PWWP2B: variants seen among roughly 807,000 people sequenced by gnomAD.
The protein encoded by PWWP2B is PWWP domain containing 2B.
PWWP2B carries 9 observed loss-of-function variants against 15.5 expected under a neutral mutation model. The observed-to-expected ratio is 0.58, with a 90% CI of 0.35 to 1.02. PWWP2B has a LOEUF of 1.02. Among genes scored for constraint, PWWP2B ranks in the 50% least tolerant of loss-of-function variants. PWWP2B has a pLI of 0.02. For synonymous variants in PWWP2B, 474 were observed against 403.6 expected (o/e 1.17, Z -2.09); for missense variants, 864 against 865.3 (o/e 1.00, Z 0.02).
intron 1 of PWWP2B, among the ~76,000 whole-genome samples, chr10:132,400,300 C>T (rs184891113): frequency 5.9e-5 from 9 of 152,130 alleles, no homozygotes; most frequent in Non-Finnish European, 1.2e-4. Flanking sequence ...GAGGGGATGG[C>T]ATCTGAGTGA....
chr10:132,415,353 C>CAT (rs2069833077), intron 2 of PWWP2B, among the ~76,000 whole-genome samples: 1 of 150,882 alleles, frequency 6.6e-6, no homozygotes, highest in Non-Finnish European at 1.5e-5. Context: ...CACTCACACA[C>CAT]ATCCACTCAC....
intron 1 of PWWP2B, among the ~76,000 whole-genome samples, chr10:132,400,280 G>A (rs1025863450): frequency 2.0e-5 from 3 of 152,142 alleles, no homozygotes; most frequent in East Asian, 1.9e-4. Flanking sequence ...GCTGGTCTTC[G>A]GAGCGTCTCG....
rs537180348 is a variant in PWWP2B at position 132,412,638 on chromosome 10, T to C, written c.*17-4423T>C. On this transcript the variant is annotated intron_variant, in intron 2 of 2. Coordinates refer to ENST00000305233, the MANE Select transcript of PWWP2B (RefSeq NM_138499.4). ...TGGTGATCACTTTAAGATTTGCTCTTTCAGGAGGGATTACGAGGTGCTGGC... is the reference window on the plus strand; with the variant it reads ...TGGTGATCACTTTAAGATTTGCTCTCTCAGGAGGGATTACGAGGTGCTGGC... 3.3e-5 allele frequency among the ~76,000 whole-genome samples: 5 copies of C among 152,348 alleles called. No individual in the cohort carries two copies. In the East Asian group the frequency reaches 9.6e-4, roughly 29 times the overall value.
At position 132,404,615 on chromosome 10, in the gene PWWP2B, T is replaced by A; in HGVS notation, c.126-11T>A. 6.2e-7 allele frequency: 1 copy of A among 1,610,504 alleles called. No individual in the cohort carries two copies. The highest frequency in any genetic ancestry group is 8.5e-7 in the Non-Finnish European group (1 of 1,177,990). On this transcript the variant is annotated splice_polypyrimidine_tract_variant and intron_variant, in intron 1 of 2. Transcript: ENST00000305233. ...CCCTTCTCACTGTGGTTTCTCTCTCTCCATTGCCAGGTCCGGCCTCTTTGG... is the reference window on the plus strand; with the variant it reads ...CCCTTCTCACTGTGGTTTCTCTCTCACCATTGCCAGGTCCGGCCTCTTTGG...
rs747142827 is a variant in PWWP2B, at chr10:132,404,884, C to T, written c.384C>T (p.His128=). The part of the protein sequence containing the change: ...PPYFEGAPFP[H]PLWLRDTYKL... ...ACTTCGAAGGCGCCCCCTTCCCTCA[C>T]CCGCTGTGGCTCCGGGACACGTACA... The change falls in exon 2 of 3, where the codon CAC becomes CAT. Residue 128 remains histidine, a synonymous_variant. Coordinates refer to ENST00000305233, the MANE Select transcript of PWWP2B (RefSeq NM_138499.4). 4 of 1,594,660 alleles carry T rather than the reference C, an allele frequency of 2.5e-6. No homozygotes were observed. In the Admixed American group the frequency reaches 6.7e-5, roughly 27 times the overall value.
At chr10:132,411,785 C>T (rs1260121823) in intron 2 of PWWP2B, among the ~76,000 whole-genome samples, 1 of 152,266 alleles carries the variant, frequency 6.6e-6, no homozygotes, top group East Asian at 1.9e-4. Flanking sequence ...CCGCCGTCTC[C>T]AGGCTTCGGC....
At chr10:132,399,299 G>A (rs933864134) in intron 1 of PWWP2B, among the ~76,000 whole-genome samples, 6 of 152,232 alleles carry the variant, frequency 3.9e-5, no homozygotes, top group Non-Finnish European at 8.8e-5. Context: ...ACAGGTGTCC[G>A]CCCACCTCAG....
chr10:132,415,279 C>T (rs1279646794), intron 2 of PWWP2B, among the ~76,000 whole-genome samples: 2 of 150,816 alleles, frequency 1.3e-5, no homozygotes, highest in East Asian at 3.9e-4. Flanking sequence ...CATTCACATC[C>T]ACTCTCACAC....
chr10:132,397,470 C>G, intron 1 of PWWP2B, 119 bp downstream of exon 1: 2 of 943,306 alleles, frequency 2.1e-6, no homozygotes, highest in Non-Finnish European at 1.3e-6. Flanking sequence ...CGCCCGCTTT[C>G]GGTTTCTGCC....
chr10:132,400,957 G>A (rs1373180745), intron 1 of PWWP2B, among the ~76,000 whole-genome samples: 1 of 152,232 alleles, frequency 6.6e-6, no homozygotes, highest in African/African-American at 2.4e-5. Context: ...GGGAAGCCGT[G>A]GGGAGGCGCT....
intron 1 of PWWP2B, among the ~76,000 whole-genome samples, chr10:132,399,773 T>C (rs2069591330): frequency 6.6e-6 from 1 of 152,204 alleles, no homozygotes; most frequent in Non-Finnish European, 1.5e-5. Context: ...TTGTGGGTGA[T>C]TTGGGGACAT....
chr10:132,408,101 G>A (rs1319172274), intron 2 of PWWP2B, among the ~76,000 whole-genome samples: 1 of 152,154 alleles, frequency 6.6e-6, no homozygotes, highest in Non-Finnish European at 1.5e-5. Flanking sequence ...CTGCCTCCAC[G>A]GGGGGCAGTG....
At chr10:132,416,376 G>A (rs1054768247) in intron 2 of PWWP2B, among the ~76,000 whole-genome samples, 1 of 152,156 alleles carries the variant, frequency 6.6e-6, no homozygotes, top group Non-Finnish European at 1.5e-5. Context: ...TCTGTTTGTT[G>A]GATTTAGGGG....
At chr10:132,411,610 A>G (rs2069782014) in intron 2 of PWWP2B, among the ~76,000 whole-genome samples, 1 of 152,242 alleles carries the variant, frequency 6.6e-6, no homozygotes, top group Non-Finnish European at 1.5e-5. Context: ...TGGGGGCAGC[A>G]TGGGCCGCTT....
rs758469873 is a variant in PWWP2B, at chr10:132,404,864, G to A, written c.364G>A (p.Glu122Lys). 1.3e-5 allele frequency: 21 copies of A among 1,585,022 alleles called. No individual in the cohort carries two copies. The highest frequency in any genetic ancestry group is 1.8e-4 in the Middle Eastern group (1 of 5,412). ...CCTGCCCCCGTACCCTCCCTACTTCGAAGGCGCCCCCTTCCCTCACCCGCT... is the reference window on the plus strand; with the variant it reads ...CCTGCCCCCGTACCCTCCCTACTTCAAAGGCGCCCCCTTCCCTCACCCGCT... ...GSLPPYPPYF[E>K]GAPFPHPLWL... is the part of the protein sequence containing the mutation. Residue 122 changes from glutamate (E) to lysine (K), a missense_variant, in exon 2 of 3, where the codon GAA becomes AAA. Glu to Lys is a moderately conservative substitution (Grantham distance 56). Transcript: ENST00000305233.
At chr10:132,397,476 C>A in intron 1 of PWWP2B, 125 bp downstream of exon 1, 1 of 1,014,524 alleles carries the variant, frequency 9.9e-7, no homozygotes. Context: ...CTTTCGGTTT[C>A]TGCCGAGCCT....
At chr10:132,404,084 T>G (rs61865564) in intron 1 of PWWP2B, among the ~76,000 whole-genome samples, 12,461 of 94,800 alleles carry the variant, frequency 0.13, 937 homozygotes, top group African/African-American at 0.31. Flanking sequence ...ACGGCATTCT[T>G]CTGGGCTCCT....
In PWWP2B at chr10:132,397,204, G is replaced by A. The variant is rs771057224; in HGVS notation, c.-23G>A. On this transcript the variant is annotated 5_prime_UTR_variant, in exon 1 of 3. Transcript: ENST00000305233. ...CGGCGGCGGCGGCGGCGGGGCGGGG[G>A]CGGCCTGGGACGCGGCGGGAGCATG... 0.018 allele frequency: 19,132 copies of A among 1,034,270 alleles called. 222 individuals are homozygous for A. The highest frequency in any genetic ancestry group is 0.03 in the South Asian group (669 of 22,656). The allele number at this position is 1,034,270 out of a possible 1,614,324, so 64.1% of individuals were successfully genotyped here.
At chr10:132,398,684 A>G (rs1936103030) in intron 1 of PWWP2B, among the ~76,000 whole-genome samples, 1 of 152,110 alleles carries the variant, frequency 6.6e-6, no homozygotes, top group South Asian at 2.1e-4. Flanking sequence ...TTGCAAATCT[A>G]CACCACCGCC....
Sources: allele counts gnomAD v4.1 joint callset (sites outside exome capture counted in the v4.1 genomes callset), GRCh38; gene constraint gnomAD v4.1.1; transcripts MANE v1.5; gene names NCBI Gene and HGNC (gene_info 2026-07-23, HGNC 2026-07-21).